Variants in SENP6 observed in about 807,000 individuals in gnomAD.
SENP6 encodes the protein sentrin-specific protease 6.
SENP6 carries 41 observed loss-of-function variants against 134.5 expected under a neutral mutation model. That is an observed-to-expected ratio of 0.30 (90% CI 0.24 to 0.40). SENP6 has a LOEUF of 0.40. Ranked by LOEUF, SENP6 falls within the 10% of genes least tolerant of loss-of-function variation. The probability of loss-of-function intolerance (pLI) is 1.00; values close to 1 mark genes in which losing one functional copy is unlikely to be tolerated. For missense variants in SENP6, 1,248 were observed against 1,312.5 expected, an observed-to-expected ratio of 0.95 and a Z score of 0.76; for synonymous variants, 395 against 429.8, an observed-to-expected ratio of 0.92 and a Z score of 1.00.
chr6:75,693,419 A>AC (rs1349254907), intron 16 of SENP6, among the ~76,000 whole-genome samples: 34 of 151,594 alleles, frequency 2.2e-4, no homozygotes, highest in African/African-American at 8.0e-4. Flanking sequence ...TAAAAAAAAA[A>AC]AAAAAAAAAA....
chr6:75,605,096 A>G (rs754599032), intron 1 of SENP6, among the ~76,000 whole-genome samples: 2 of 152,230 alleles, frequency 1.3e-5, no homozygotes, highest in Non-Finnish European at 2.9e-5. Context: ...ATATTCCACC[A>G]TAATTTGCTG....
At chr6:75,629,871 A>G (rs1768976475) in intron 3 of SENP6, among the ~76,000 whole-genome samples, 1 of 152,178 alleles carries the variant, frequency 6.6e-6, no homozygotes, top group African/African-American at 2.4e-5. Context: ...GTTCTCCCAC[A>G]TGTATGCTTT....
At chr6:75,635,959 T>C (rs1348703650) in intron 5 of SENP6, among the ~76,000 whole-genome samples, 1 of 152,108 alleles carries the variant, frequency 6.6e-6, no homozygotes, top group Non-Finnish European at 1.5e-5. Context: ...ACCAAAATTA[T>C]TACATTATTT....
chr6:75,667,249 T>G (rs1772312777), intron 10 of SENP6, among the ~76,000 whole-genome samples: 1 of 152,026 alleles, frequency 6.6e-6, no homozygotes, highest in African/African-American at 2.4e-5. Context: ...TTGACAGAGA[T>G]ATATTTTACT....
intron 5 of SENP6, among the ~76,000 whole-genome samples, chr6:75,635,552 A>G (rs1388484857): frequency 6.6e-6 from 1 of 152,166 alleles, no homozygotes; most frequent in Non-Finnish European, 1.5e-5. Context: ...TTCTGTTTAC[A>G]TAGATGGGCT....
chr6:75,660,082 A>G (rs1562017256), intron 8 of SENP6, among the ~76,000 whole-genome samples: 1 of 152,232 alleles, frequency 6.6e-6, no homozygotes, highest in African/African-American at 2.4e-5. Flanking sequence ...TTCAATAGAA[A>G]TAATTTCACA....
chr6:75,645,644 A>G (rs1770377039), intron 6 of SENP6, among the ~76,000 whole-genome samples: 1 of 152,112 alleles, frequency 6.6e-6, no homozygotes, highest in Non-Finnish European at 1.5e-5. Flanking sequence ...ATTAATGTAA[A>G]TTTTCATTTT....
intron 5 of SENP6, among the ~76,000 whole-genome samples, chr6:75,635,935 G>A (rs1037879699): frequency 6.6e-6 from 1 of 151,900 alleles, no homozygotes; most frequent in Non-Finnish European, 1.5e-5. Flanking sequence ...ATCAATTTAG[G>A]TGATTCATTT....
intron 16 of SENP6, among the ~76,000 whole-genome samples, chr6:75,683,607 C>T (rs1035895100): frequency 1.4e-4 from 22 of 152,180 alleles, no homozygotes; most frequent in Middle Eastern, 3.2e-3. Context: ...TTTCAGCTTT[C>T]TACATATGGC....
At chr6:75,614,777 T>A (rs1767725340) in intron 1 of SENP6, among the ~76,000 whole-genome samples, 1 of 152,212 alleles carries the variant, frequency 6.6e-6, no homozygotes, top group African/African-American at 2.4e-5. Context: ...TTGAATAGAC[T>A]TGCTGATAGC....
At position 75,666,909 on chromosome 6, in the gene SENP6, A is replaced by T; in HGVS notation, c.1192A>T (p.Thr398Ser). ...IPEDSELNTV[T>S]LPRKARMKDQ... ...AGAAGACTCAGAGTTAAATACAGTT[A>T]CATTGCCAAGAAAAGCAAGAATGAA... The change falls in exon 10 of 24, where the codon ACA becomes TCA. Residue 398 changes from threonine to serine, a missense_variant. By Grantham distance (58) the Thr-to-Ser change is moderately conservative. Around this residue, in one of 3 missense-constraint regions of SENP6, gnomAD observed 733 missense variants for 725.4 expected, o/e 1.01. Coordinates refer to ENST00000447266, the MANE Select transcript of SENP6 (RefSeq NM_015571.4). The T allele has an allele frequency of 6.2e-7, 1 of 1,606,050 alleles. No homozygotes were observed. The highest frequency in any genetic ancestry group is 8.5e-7 in the Non-Finnish European group (1 of 1,173,930).
intron 7 of SENP6, among the ~76,000 whole-genome samples, chr6:75,656,675 C>T (rs561543391): frequency 7.9e-5 from 12 of 152,232 alleles, no homozygotes; most frequent in South Asian, 2.1e-4. Flanking sequence ...TTTCTTAACT[C>T]TCTATAGATC....
intron 20 of SENP6, among the ~76,000 whole-genome samples, chr6:75,710,766 G>A (rs539560506): frequency 6.6e-6 from 1 of 152,172 alleles, no homozygotes; most frequent in African/African-American, 2.4e-5. Context: ...GAACAACAAT[G>A]ACCAAAAAAG....
chr6:75,666,040 T>A (rs1023491522), intron 9 of SENP6, among the ~76,000 whole-genome samples: 1 of 145,546 alleles, frequency 6.9e-6, no homozygotes, highest in African/African-American at 2.5e-5. Context: ...ATATATATAT[T>A]TTATATATAT....
chr6:75,678,767 A>G (rs370962421), intron 15 of SENP6, 44 bp from the exon 16 acceptor site: 2 of 1,363,740 alleles, frequency 1.5e-6, no homozygotes, highest in Non-Finnish European at 2.1e-6. Context: ...TTGTGTATAT[A>G]TATATAGATT....
At chr6:75,670,430 A>G (rs1365774206) in intron 10 of SENP6, 123 bp from the exon 11 acceptor site, 1 of 610,278 alleles carries the variant, frequency 1.6e-6, no homozygotes, top group Non-Finnish European at 2.7e-6. Flanking sequence ...ACACTGTTGA[A>G]GGGAAATCCA....
chr6:75,685,888 A>T (rs1773805822), intron 16 of SENP6, among the ~76,000 whole-genome samples: 1 of 152,096 alleles, frequency 6.6e-6, no homozygotes, highest in Admixed American at 6.6e-5. Flanking sequence ...TGGGGTGGAG[A>T]GTTCTGTAGA....
At chr6:75,681,297 C>T (rs560343806) in intron 16 of SENP6, among the ~76,000 whole-genome samples, 1 of 152,242 alleles carries the variant, frequency 6.6e-6, no homozygotes, top group South Asian at 2.1e-4. Flanking sequence ...CCTTTGCTCT[C>T]TGTTACTCCT....
intron 9 of SENP6, among the ~76,000 whole-genome samples, chr6:75,664,868 G>A (rs1772073994): frequency 6.6e-6 from 1 of 152,190 alleles, no homozygotes; most frequent in Admixed American, 6.5e-5. Context: ...CACTGTCCCT[G>A]TTCTCTTATA....
Sources: allele counts gnomAD v4.1 joint callset (sites outside exome capture counted in the v4.1 genomes callset), GRCh38; gene constraint gnomAD v4.1.1; regional missense constraint gnomAD v4.1.1; transcripts MANE v1.5; gene names NCBI Gene and HGNC (gene_info 2026-07-23, HGNC 2026-07-21).